The following APC variants were observed in gnomAD, a reference collection of about 807,000 sequenced individuals.
APC encodes the protein adenomatous polyposis coli protein.
Under a neutral mutation model 247.0 loss-of-function variants are expected in APC, and 72 were observed. The ratio of observed to expected loss-of-function variants is 0.29; its 90% CI spans 0.24 to 0.35. The LOEUF is 0.35. APC is among the 10% of genes least tolerant of loss of function. The pLI, the probability that APC is intolerant of heterozygous loss-of-function variation, is 1.00. For synonymous variants in APC, 1,254 were observed against 1,162.5 expected (o/e 1.08, Z -1.60); for missense variants, 3,400 against 3,360.7 (o/e 1.01, Z -0.29).
Position 112,838,088 on chromosome 5 carries a change from C to T in APC, c.2494C>T (p.Pro832Ser), listed in dbSNP as rs1554084213. The change falls in exon 16 of 16, where the codon CCC becomes TCC. Residue 832 changes from proline to serine, a missense_variant. By Grantham distance (74) the Pro-to-Ser change is moderately conservative. This residue lies in a region of APC where 715 missense variants were observed against 656.6 expected (regional missense o/e 1.09). Transcript: ENST00000257430. ...ACCATATTTGAATACTACAGTGTTACCCAGCTCCTCTTCATCAAGAGGAAG... is the reference window on the plus strand; with the variant it reads ...ACCATATTTGAATACTACAGTGTTATCCAGCTCCTCTTCATCAAGAGGAAG... The part of the protein sequence containing the change: ...LSPYLNTTVL[P>S]SSSSSRGSLD... 6.2e-7 allele frequency: 1 copy of T among 1,614,152 alleles called. No individual in the cohort carries two copies. The highest frequency in any genetic ancestry group is 1.1e-5 in the South Asian group (1 of 91,070).
intron 8 of APC, among the ~76,000 whole-genome samples, chr5:112,811,035 AC>A (rs1293105854): frequency 1.4e-4 from 21 of 152,206 alleles, no homozygotes; most frequent in East Asian, 5.8e-4. Flanking sequence ...ACACACACAC[AC>A]ACAAAAAAAG....
intron 1 of APC, among the ~76,000 whole-genome samples, chr5:112,739,447 C>T (rs531738538): frequency 2.0e-5 from 3 of 152,234 alleles, no homozygotes; most frequent in African/African-American, 4.8e-5. Flanking sequence ...CAAGATAATG[C>T]GGAATTGGGC....
rs551084068 is a variant in APC, at chr5:112,840,660, C to A, written c.5066C>A (p.Thr1689Asn). Residue 1689 changes from threonine (T) to asparagine (N), a missense_variant, in exon 16 of 16, where the codon ACC becomes AAC. Physicochemically the swap from Thr to Asn is moderately conservative, Grantham distance 65. Around this residue, in one of 9 missense-constraint regions of APC, gnomAD observed 1,788 missense variants for 1,649.5 expected, o/e 1.08. Coordinates refer to ENST00000257430, the MANE Select transcript of APC (RefSeq NM_000038.6). This position sits in a 1 kb window ranked among gnomAD's most constrained non-coding sequence, Gnocchi z 4.1. ...TCAGGTGAATTTGAAAAACGAGATACCATTCCTACAGAAGGCAGAAGTACA... is the reference window on the plus strand; with the variant it reads ...TCAGGTGAATTTGAAAAACGAGATAACATTCCTACAGAAGGCAGAAGTACA... The part of the protein sequence containing the change: ...AQSGEFEKRD[T>N]IPTEGRSTDE... 1.2e-6 allele frequency: 2 copies of A among 1,613,932 alleles called. No homozygotes were observed. Among genetic ancestry groups the A allele is most frequent in the Admixed American group, 1.7e-5 (1 of 60,000 alleles).
At position 112,841,561 on chromosome 5, in the gene APC, G is replaced by A. The variant is rs1292576496; in HGVS notation, c.5967G>A (p.Glu1989=). ...ATAAAGAAAATGAACCTATCAAAGAGACTGAGCCCCCTGACTCACAGGGAG... is the reference window on the plus strand; with the variant it reads ...ATAAAGAAAATGAACCTATCAAAGAAACTGAGCCCCCTGACTCACAGGGAG... ...NNNKENEPIK[E]TEPPDSQGEP... The change falls in exon 16 of 16, where the codon GAG becomes GAA. Residue 1989 remains glutamate (E), a synonymous_variant. Transcript: ENST00000257430. The surrounding 1 kb of genome is among the most constrained non-coding windows in gnomAD (Gnocchi z 4.6). 6.2e-7 allele frequency: 1 copy of A among 1,613,840 alleles called. No individual in the cohort carries two copies. The highest frequency in any genetic ancestry group is 1.3e-5 in the African/African-American group (1 of 74,888).
chr5:112,826,120 T>C (rs956533628), intron 11 of APC, among the ~76,000 whole-genome samples: 10 of 151,976 alleles, frequency 6.6e-5, no homozygotes, highest in Non-Finnish European at 1.3e-4. Flanking sequence ...TGCAGATTCT[T>C]CTGCATATTG....
Position 112,835,756 on chromosome 5 carries a change from T to G in APC, c.1958+591T>G, listed in dbSNP as rs531239762. ...CCCGGCTAATTTTTCTATTTTTTGG[T>G]AGAGATGGGGTTTCACAATGTTGTC... On this transcript the variant is annotated intron_variant, in intron 15 of 15. Coordinates refer to ENST00000257430, the MANE Select transcript of APC (RefSeq NM_000038.6). 5.9e-5 allele frequency among the ~76,000 whole-genome samples: 9 copies of G among 151,620 alleles called. No individual in the cohort carries two copies. The South Asian group carries it at 1.9e-3, about 32-fold the overall frequency.
At position 112,841,060 on chromosome 5, in the gene APC, C is replaced by T; in HGVS notation, c.5466C>T (p.Val1822=). Residue 1822 remains valine, a synonymous_variant, in exon 16 of 16, where the codon GTC becomes GTT. Transcript: ENST00000257430. The surrounding 1 kb of genome is among the most constrained non-coding windows in gnomAD (Gnocchi z 4.6). ...AGAATTTGAAAAATAATTCCAAGGTCTTCAATGATAAGCTCCCAAATAATG... is the reference window on the plus strand; with the variant it reads ...AGAATTTGAAAAATAATTCCAAGGTTTTCAATGATAAGCTCCCAAATAATG... ...KKQNLKNNSK[V]FNDKLPNNED... is the part of the protein sequence containing the mutation. 6.2e-7 allele frequency: 1 copy of T among 1,612,276 alleles called. No individual in the cohort carries two copies.
At chr5:112,736,279 T>C (rs982154679), upstream of APC, among the ~76,000 whole-genome samples, 7 of 152,256 alleles carry the variant, frequency 4.6e-5, no homozygotes, top group African/African-American at 1.7e-4. Context: ...GGAAATTGTT[T>C]CTAAATATAT....
At chr5:112,821,689 C>T (rs1369192001) in intron 10 of APC, among the ~76,000 whole-genome samples, 2 of 152,148 alleles carry the variant, frequency 1.3e-5, no homozygotes, top group African/African-American at 2.4e-5. Context: ...GAGTGGTAAA[C>T]ATTTTTATGG....
chr5:112,747,467 A>G (rs1753820514), intron 1 of APC, among the ~76,000 whole-genome samples: 1 of 152,206 alleles, frequency 6.6e-6, no homozygotes, highest in African/African-American at 2.4e-5. Context: ...TCAGTTATCC[A>G]TATGAAACAC....
intron 15 of APC, 91 bp downstream of exon 15, chr5:112,835,256 A>T: frequency 6.1e-6 from 7 of 1,141,424 alleles, no homozygotes; most frequent in Non-Finnish European, 9.0e-6. Flanking sequence ...TAATCATGAA[A>T]GTTTTAAGCC....
At chr5:112,715,177 C>G (rs1751086090) in intron 1 of APC, among the ~76,000 whole-genome samples, 1 of 152,104 alleles carries the variant, frequency 6.6e-6, no homozygotes, top group African/African-American at 2.4e-5. Flanking sequence ...GTCATTTTCT[C>G]AACAAAACCA....
At chr5:112,761,655 T>C (rs1561454865) in intron 2 of APC, among the ~76,000 whole-genome samples, 1 of 152,088 alleles carries the variant, frequency 6.6e-6, no homozygotes, top group Non-Finnish European at 1.5e-5. Context: ...GAAGAAAACA[T>C]AGGTAATAGC....
In APC at chr5:112,840,660, C is replaced by T. The variant is rs551084068; in HGVS notation, c.5066C>T (p.Thr1689Ile). 20 of 1,613,932 alleles carry T rather than the reference C, an allele frequency of 1.2e-5. No homozygotes were observed. Among genetic ancestry groups the T allele is most frequent in the Non-Finnish European group, 1.6e-5 (19 of 1,179,872 alleles). Residue 1689 changes from threonine (T) to isoleucine (I), a missense_variant, in exon 16 of 16, where the codon ACC becomes ATC. Coordinates refer to ENST00000257430, the MANE Select transcript of APC (RefSeq NM_000038.6). The surrounding 1 kb of genome is among the most constrained non-coding windows in gnomAD (Gnocchi z 4.1). ...AQSGEFEKRDTIPTEGRSTDE... is the reference protein window; with the variant it reads ...AQSGEFEKRDIIPTEGRSTDE... ...TCAGGTGAATTTGAAAAACGAGATA[C>T]CATTCCTACAGAAGGCAGAAGTACA...
At chr5:112,715,427 G>A (rs1341497767) in intron 1 of APC, among the ~76,000 whole-genome samples, 1 of 152,188 alleles carries the variant, frequency 6.6e-6, no homozygotes, top group Non-Finnish European at 1.5e-5. Context: ...AGTTTGGTAA[G>A]AGAAGGGCTT....
At chr5:112,813,678 G>A (rs181980777) in intron 8 of APC, among the ~76,000 whole-genome samples, 2 of 151,742 alleles carry the variant, frequency 1.3e-5, no homozygotes, top group Non-Finnish European at 2.9e-5. Flanking sequence ...GGCTACTCTG[G>A]AGGCTGAGGT....
chr5:112,820,915 G>T lies in APC; in HGVS notation c.1313-981G>T, dbSNP rs535546920. 2.0e-5 allele frequency among the ~76,000 whole-genome samples: 3 copies of T among 152,174 alleles called. No homozygotes were observed. In the South Asian group the frequency reaches 6.2e-4, roughly 32 times the overall value. Reference sequence around the variant, plus strand: ...CTCACACAAGCGCCCAGACTGTAATGCAGTGGTGCGATCACAGTTCACTGC... The same window carrying T: ...CTCACACAAGCGCCCAGACTGTAATTCAGTGGTGCGATCACAGTTCACTGC... On this transcript the variant is annotated intron_variant, in intron 10 of 15. Transcript: ENST00000257430.
intron 11 of APC, among the ~76,000 whole-genome samples, chr5:112,823,714 C>T (rs867166049): frequency 1.3e-5 from 2 of 152,038 alleles, no homozygotes; most frequent in Non-Finnish European, 2.9e-5. Flanking sequence ...CCTAATCTAC[C>T]CCAGAAACTG....
At chr5:112,715,992 G>C (rs1357962682) in intron 1 of APC, among the ~76,000 whole-genome samples, 1 of 152,068 alleles carries the variant, frequency 6.6e-6, no homozygotes, top group African/African-American at 2.4e-5. Flanking sequence ...TCTGACGTAG[G>C]TTATTTGTAC....
Sources: gnomAD v4.1 joint callset for allele counts (sites outside exome capture counted in the v4.1 genomes callset) on GRCh38, gnomAD v4.1.1 for gene constraint, gnomAD v4.1.1 regional missense constraint, Gnocchi (gnomAD v3.1) non-coding constraint, MANE v1.5 for transcripts, NCBI Gene and HGNC (gene_info 2026-07-23, HGNC 2026-07-21) for gene names.